Variants in PLPP1 observed in about 807,000 individuals in gnomAD.
PLPP1 encodes the protein phospholipid phosphatase 1, also known as lipid phosphate phosphohydrolase 1a.
PLPP1 carries 24 observed loss-of-function variants against 31.2 expected under a neutral mutation model. The ratio of observed to expected loss-of-function variants is 0.77; its 90% CI spans 0.56 to 1.08. The LOEUF is 1.08. Ranked by LOEUF, PLPP1 falls within the 50% of genes least tolerant of loss-of-function variation. The pLI is 0.00. For missense variants in PLPP1, 319 were observed against 342.7 expected (o/e 0.93, Z 0.55); for synonymous variants, 146 against 126.3 (o/e 1.16, Z -1.05).
chr5:55,480,491 C>G (rs1372191273), intron 1 of PLPP1, among the ~76,000 whole-genome samples: 1 of 151,630 alleles, frequency 6.6e-6, no homozygotes, highest in Non-Finnish European at 1.5e-5. Context: ...CATCTGCTAT[C>G]TGTCTCTACA....
chr5:55,434,842 T>G (rs2111684419), intron 4 of PLPP1, among the ~76,000 whole-genome samples: 1 of 152,264 alleles, frequency 6.6e-6, no homozygotes, highest in South Asian at 2.1e-4. Flanking sequence ...AGGATATTGG[T>G]CTGGGCAAAG....
At chr5:55,510,005 TGGGA>T (rs1753370533) in intron 1 of PLPP1, among the ~76,000 whole-genome samples, 1 of 152,220 alleles carries the variant, frequency 6.6e-6, no homozygotes, top group Non-Finnish European at 1.5e-5. Context: ...TAAAGGGTAC[TGGGA>T]GAGACAGCTG....
chr5:55,513,564 G>T (rs192943420), intron 1 of PLPP1, among the ~76,000 whole-genome samples: 3 of 151,960 alleles, frequency 2.0e-5, no homozygotes, highest in Admixed American at 6.6e-5. Context: ...GAGCCACTGC[G>T]CCCGGCCTAT....
At chr5:55,482,042 T>A (rs1371462748) in intron 1 of PLPP1, among the ~76,000 whole-genome samples, 4 of 147,932 alleles carry the variant, frequency 2.7e-5, no homozygotes, top group Non-Finnish European at 4.5e-5. Flanking sequence ...TATTTATTTA[T>A]ATAAGATACA....
At chr5:55,454,026 G>A (rs750312271) in intron 3 of PLPP1, among the ~76,000 whole-genome samples, 3 of 151,994 alleles carry the variant, frequency 2.0e-5, no homozygotes, top group African/African-American at 7.2e-5. Context: ...TAAGAAGAAA[G>A]GACTTAGGGG....
chr5:55,521,038 C>A (rs1277535252), intron 1 of PLPP1, among the ~76,000 whole-genome samples: 1 of 149,938 alleles, frequency 6.7e-6, no homozygotes, highest in Non-Finnish European at 1.5e-5. Context: ...AGAGTGAGAC[C>A]TCATCTCTAC....
chr5:55,510,046 G>T (rs777968274), intron 1 of PLPP1, among the ~76,000 whole-genome samples: 4 of 152,122 alleles, frequency 2.6e-5, no homozygotes, highest in Non-Finnish European at 5.9e-5. Flanking sequence ...CTTTCTCCTG[G>T]CCACTTATCG....
intron 3 of PLPP1, among the ~76,000 whole-genome samples, chr5:55,445,892 T>A (rs1020680241): frequency 6.6e-6 from 1 of 152,034 alleles, no homozygotes; most frequent in Admixed American, 6.6e-5. Context: ...AATTCTAAAT[T>A]GATGACTTTT....
chr5:55,447,797 A>G (rs1405898325), intron 3 of PLPP1, among the ~76,000 whole-genome samples: 2 of 152,262 alleles, frequency 1.3e-5, no homozygotes, highest in Non-Finnish European at 2.9e-5. Context: ...GATGTTGTCA[A>G]TGTAAAAATT....
chr5:55,514,746 T>C (rs541815377), intron 1 of PLPP1, among the ~76,000 whole-genome samples: 3 of 152,260 alleles, frequency 2.0e-5, no homozygotes, highest in Non-Finnish European at 4.4e-5. Flanking sequence ...ATTTATTGGT[T>C]ATTATTGCAG....
intron 4 of PLPP1, among the ~76,000 whole-genome samples, chr5:55,430,366 G>GCCA (rs1334335169): frequency 6.6e-6 from 1 of 152,212 alleles, no homozygotes; most frequent in Non-Finnish European, 1.5e-5. Context: ...GCCTGCTGCT[G>GCCA]CCACTCCTGG....
intron 4 of PLPP1, among the ~76,000 whole-genome samples, chr5:55,429,063 G>T (rs1751280224): frequency 6.6e-6 from 1 of 152,110 alleles, no homozygotes; most frequent in Admixed American, 6.5e-5. Flanking sequence ...ATCACCCAGA[G>T]ACCTGCTGGG....
intron 3 of PLPP1, among the ~76,000 whole-genome samples, chr5:55,451,513 C>G (rs1435156352): frequency 6.6e-6 from 1 of 151,932 alleles, no homozygotes; most frequent in Non-Finnish European, 1.5e-5. Flanking sequence ...CTCATGTTAC[C>G]AGGAGGACTA....
chr5:55,518,604 T>A (rs1364337119), intron 1 of PLPP1, among the ~76,000 whole-genome samples: 6 of 152,324 alleles, frequency 3.9e-5, no homozygotes, highest in South Asian at 2.1e-4. Flanking sequence ...TTCTAAATAC[T>A]TCAGTCTTCA....
intron 1 of PLPP1, among the ~76,000 whole-genome samples, chr5:55,499,256 CAT>C (rs754146759): frequency 5.3e-5 from 8 of 152,178 alleles, no homozygotes; most frequent in Non-Finnish European, 8.8e-5. Flanking sequence ...CCATGATACA[CAT>C]GTTGAACTTC....
intron 1 of PLPP1, among the ~76,000 whole-genome samples, chr5:55,491,773 G>A (rs899044007): frequency 1.4e-5 from 2 of 146,682 alleles, no homozygotes; most frequent in Non-Finnish European, 3.0e-5. Flanking sequence ...CAGGAGAATC[G>A]CTTGAACCCA....
chr5:55,448,680 T>C (rs1579930527), intron 3 of PLPP1, among the ~76,000 whole-genome samples: 1 of 152,166 alleles, frequency 6.6e-6, no homozygotes, highest in East Asian at 1.9e-4. Flanking sequence ...ACTCCTGACC[T>C]CAGGTGATCC....
At chr5:55,428,767 A>G (rs1367300600) in intron 4 of PLPP1, among the ~76,000 whole-genome samples, 1 of 151,986 alleles carries the variant, frequency 6.6e-6, no homozygotes, top group Non-Finnish European at 1.5e-5. Context: ...TGCAGATTCC[A>G]CTCTTCTCTC....
intron 2 of PLPP1, among the ~76,000 whole-genome samples, chr5:55,474,164 T>C (rs952400324): frequency 7.2e-5 from 11 of 151,854 alleles, no homozygotes; most frequent in African/African-American, 2.7e-4. Context: ...ACCCAGCTAA[T>C]TTTTGTATTT....
Sources: allele counts gnomAD v4.1 joint callset (sites outside exome capture counted in the v4.1 genomes callset), GRCh38; gene constraint gnomAD v4.1.1; transcripts MANE v1.5; gene names NCBI Gene and HGNC (gene_info 2026-07-23, HGNC 2026-07-21).